The following CTNNA3 variants were observed in gnomAD, a reference collection of about 807,000 sequenced individuals.
CTNNA3 encodes catenin alpha-3.
A neutral mutation model predicts 95.7 loss-of-function variants in CTNNA3; 76 were observed. The observed-to-expected ratio is 0.79, with a 90% CI of 0.66 to 0.96. CTNNA3 has a LOEUF of 0.96. Ranked by LOEUF, CTNNA3 falls within the 40% of genes least tolerant of loss-of-function variation. CTNNA3 has a pLI of 0.00. For synonymous variants in CTNNA3, 431 were observed against 374.4 expected, an observed-to-expected ratio of 1.15 and a Z score of -1.74; for missense variants, 1,191 against 1,089.8, an observed-to-expected ratio of 1.09 and a Z score of -1.31.
intron 11 of CTNNA3, among the ~76,000 whole-genome samples, chr10:66,492,537 T>G (rs2131939437): frequency 6.6e-6 from 1 of 152,110 alleles, no homozygotes; most frequent in African/African-American, 2.4e-5. Context: ...ATAAATGATT[T>G]AAACTTCTAT....
At chr10:65,988,134 G>A (rs2133324029) in intron 16 of CTNNA3, among the ~76,000 whole-genome samples, 1 of 152,160 alleles carries the variant, frequency 6.6e-6, no homozygotes, top group Admixed American at 6.5e-5. Flanking sequence ...GCTGACTATA[G>A]TTAATAATTT....
chr10:66,508,851 T>A (rs901905660), intron 11 of CTNNA3, among the ~76,000 whole-genome samples: 13 of 152,214 alleles, frequency 8.5e-5, no homozygotes, highest in South Asian at 6.2e-4. Flanking sequence ...AAACATGGGG[T>A]TGCAGATATT....
intron 7 of CTNNA3, among the ~76,000 whole-genome samples, chr10:67,027,273 A>G (rs1315828400): frequency 6.6e-6 from 1 of 152,184 alleles, no homozygotes; most frequent in Non-Finnish European, 1.5e-5. Flanking sequence ...AGTCACCTAG[A>G]TCTTTTTAAT....
At chr10:67,701,826 C>T (rs1425981372) in intron 1 of CTNNA3, among the ~76,000 whole-genome samples, 3 of 151,898 alleles carry the variant, frequency 2.0e-5, no homozygotes, top group Non-Finnish European at 2.9e-5. Context: ...AAGACACAGA[C>T]TGGCAAATTG....
intron 12 of CTNNA3, among the ~76,000 whole-genome samples, chr10:66,330,067 T>C (rs749701036): frequency 6.6e-6 from 1 of 151,968 alleles, no homozygotes; most frequent in African/African-American, 2.4e-5. Flanking sequence ...AGTAAGCACA[T>C]ATTTCTTTTT....
intron 13 of CTNNA3, among the ~76,000 whole-genome samples, chr10:66,211,766 G>A (rs753678809): frequency 4.6e-5 from 7 of 152,134 alleles, no homozygotes; most frequent in African/African-American, 7.2e-5. Flanking sequence ...GGGAGTCCAC[G>A]ATGATGGGGA....
At chr10:66,295,280 A>G (rs1340703751) in intron 12 of CTNNA3, among the ~76,000 whole-genome samples, 1 of 152,204 alleles carries the variant, frequency 6.6e-6, no homozygotes, top group Non-Finnish European at 1.5e-5. Context: ...ATGCACTATA[A>G]GAGCAATATC....
At position 66,553,552 on chromosome 10, in the gene CTNNA3, A is replaced by T. The variant is rs182407905; in HGVS notation, c.1375-32779T>A. 7.4e-3 allele frequency among the ~76,000 whole-genome samples: 507 copies of T among 68,396 alleles called. 7 individuals are homozygous for T. The highest frequency in any genetic ancestry group is 0.028 in the African/African-American group (485 of 17,622). The allele number at this position is 68,396 out of a possible 152,430, so 44.9% of individuals were successfully genotyped here. A position where few individuals can be genotyped will look rare whatever the true frequency, so the allele number is the denominator to read the frequency against. ...TTTTTTTTTTTTTTTTTTGAGGCGG[A>T]GTCTTGCTCTGTCACCCAGGCTGGA... On this transcript the variant is annotated intron_variant, in intron 10 of 17. Transcript: ENST00000433211.
chr10:67,249,479 T>C (rs1866024988), intron 5 of CTNNA3, among the ~76,000 whole-genome samples: 3 of 152,174 alleles, frequency 2.0e-5, no homozygotes, highest in African/African-American at 7.2e-5. Context: ...TTTTGATTGG[T>C]TCTTGGGAAC....
chr10:67,545,762 A>C (rs1036539782), intron 3 of CTNNA3, among the ~76,000 whole-genome samples: 6 of 152,198 alleles, frequency 3.9e-5, no homozygotes, highest in African/African-American at 1.4e-4. Flanking sequence ...CGACTATATA[A>C]GTTATGCGTT....
At chr10:66,977,644 G>A (rs1850125754) in intron 7 of CTNNA3, among the ~76,000 whole-genome samples, 1 of 152,196 alleles carries the variant, frequency 6.6e-6, no homozygotes, top group Non-Finnish European at 1.5e-5. Context: ...ATTTGTAGAT[G>A]TAAGCTGGGC....
chr10:66,511,266 G>A (rs188702437), intron 11 of CTNNA3, among the ~76,000 whole-genome samples: 64 of 151,530 alleles, frequency 4.2e-4, no homozygotes, highest in African/African-American at 1.4e-3. Context: ...ATTTATTTAG[G>A]TCTTTTTCTT....
chr10:66,625,042 T>C (rs778153440), intron 9 of CTNNA3, among the ~76,000 whole-genome samples: 3 of 152,174 alleles, frequency 2.0e-5, no homozygotes, highest in Non-Finnish European at 4.4e-5. Context: ...GACAAAATGT[T>C]CTTTCATTTT....
intron 11 of CTNNA3, among the ~76,000 whole-genome samples, chr10:66,464,280 GT>G (rs1351012854): frequency 3.3e-5 from 5 of 152,068 alleles, no homozygotes; most frequent in African/African-American, 1.2e-4. Context: ...AAATGTAGTT[GT>G]TATTCAGCAA....
chr10:66,066,158 T>C (rs1242764346), intron 15 of CTNNA3, among the ~76,000 whole-genome samples: 1 of 152,156 alleles, frequency 6.6e-6, no homozygotes, highest in East Asian at 1.9e-4. Flanking sequence ...CCACCGCACC[T>C]AGCCACCAAG....
intron 3 of CTNNA3, among the ~76,000 whole-genome samples, chr10:67,567,138 T>C (rs955636504): frequency 2.6e-5 from 4 of 151,684 alleles, no homozygotes; most frequent in Non-Finnish European, 5.9e-5. Flanking sequence ...AACCTGCATG[T>C]TGTGCACATG....
intron 11 of CTNNA3, among the ~76,000 whole-genome samples, chr10:66,440,755 G>A (rs1433827448): frequency 6.8e-6 from 1 of 147,940 alleles, no homozygotes; most frequent in Non-Finnish European, 1.5e-5. Flanking sequence ...CATGAAATGA[G>A]TTACTCAACT....
intron 5 of CTNNA3, among the ~76,000 whole-genome samples, chr10:67,349,432 A>C (rs916587970): frequency 2.6e-5 from 4 of 152,220 alleles, no homozygotes; most frequent in Non-Finnish European, 4.4e-5. Flanking sequence ...AATTGTGCTA[A>C]GTGAAAAAAG....
chr10:67,067,355 A>G (rs1025270305), intron 7 of CTNNA3, among the ~76,000 whole-genome samples: 11 of 152,180 alleles, frequency 7.2e-5, no homozygotes, highest in African/African-American at 2.4e-4. Context: ...CTAAGCAAAA[A>G]GTTACTAACC....
Sources: allele counts gnomAD v4.1 joint callset (sites outside exome capture counted in the v4.1 genomes callset), GRCh38; gene constraint gnomAD v4.1.1; transcripts MANE v1.5; gene names NCBI Gene and HGNC (gene_info 2026-07-23, HGNC 2026-07-21).